The following B3GALT1 variants were observed in gnomAD, a reference collection of about 807,000 sequenced individuals.
The protein encoded by B3GALT1 is UDP-Gal:betaGlcNAc beta 1,3-galactosyltransferase, polypeptide 1.
Under a neutral mutation model 23.2 loss-of-function variants are expected in B3GALT1, and 10 were observed. The ratio of observed to expected loss-of-function variants is 0.43; its 90% CI spans 0.27 to 0.73. The LOEUF is 0.73. Among genes scored for constraint, B3GALT1 ranks in the 30% least tolerant of loss-of-function variants. B3GALT1 has a pLI of 0.21. For synonymous variants in B3GALT1, 156 were observed against 141.5 expected (o/e 1.10, Z -0.73); for missense variants, 299 against 405.4 (o/e 0.74, Z 2.25).
At chr2:167,632,107 C>A (rs1251255795) in intron 2 of B3GALT1, among the ~76,000 whole-genome samples, 1 of 152,040 alleles carries the variant, frequency 6.6e-6, no homozygotes, top group East Asian at 1.9e-4. Flanking sequence ...ATCCATGTCC[C>A]TGCAAAGGAC....
At chr2:167,638,559 A>G (rs1269248723) in intron 2 of B3GALT1, among the ~76,000 whole-genome samples, 1 of 152,056 alleles carries the variant, frequency 6.6e-6, no homozygotes, top group African/African-American at 2.4e-5. Flanking sequence ...ACTCTAAGGA[A>G]TGATCTGGTT....
intron 3 of B3GALT1, among the ~76,000 whole-genome samples, chr2:167,783,924 A>G (rs1688292404): frequency 1.3e-5 from 2 of 152,162 alleles, no homozygotes; most frequent in Admixed American, 1.3e-4. Flanking sequence ...ACTGTGTAAA[A>G]CAGAAATAAG....
At chr2:167,495,553 G>A (rs1205821057) in intron 2 of B3GALT1, among the ~76,000 whole-genome samples, 2 of 151,966 alleles carry the variant, frequency 1.3e-5, no homozygotes, top group South Asian at 2.1e-4. Flanking sequence ...GGCTGGTCTC[G>A]AACTCCCAAC....
At chr2:167,689,033 CT>C (rs1686665207) in intron 3 of B3GALT1, among the ~76,000 whole-genome samples, 1 of 151,510 alleles carries the variant, frequency 6.6e-6, no homozygotes, top group African/African-American at 2.4e-5. Context: ...ATTTGACTGG[CT>C]TTGGGGAGGA....
chr2:167,629,771 G>A (rs765251158), intron 2 of B3GALT1, among the ~76,000 whole-genome samples: 73 of 151,708 alleles, frequency 4.8e-4, no homozygotes, highest in Non-Finnish European at 9.0e-4. Flanking sequence ...TACCTTGCAT[G>A]CCACACTTTG....
intron 3 of B3GALT1, among the ~76,000 whole-genome samples, chr2:167,690,080 C>A (rs1686685770): frequency 6.6e-6 from 1 of 151,928 alleles, no homozygotes; most frequent in African/African-American, 2.4e-5. Context: ...TAGAGACATC[C>A]TGAAATTTGG....
At chr2:167,647,795 T>G (rs530950619) in intron 3 of B3GALT1, among the ~76,000 whole-genome samples, 1 of 152,286 alleles carries the variant, frequency 6.6e-6, no homozygotes, top group South Asian at 2.1e-4. Flanking sequence ...TTTTTAAATT[T>G]TATGGGTACA....
chr2:167,517,427 T>C (rs1467147503), intron 2 of B3GALT1, among the ~76,000 whole-genome samples: 4 of 151,974 alleles, frequency 2.6e-5, no homozygotes, highest in African/African-American at 9.7e-5. Flanking sequence ...TTAAAAAAAA[T>C]AGCAACTATT....
In B3GALT1 at chr2:167,550,138, C is replaced by T. The variant is rs143098745; in HGVS notation, c.-410+59861C>T. ...TAATCTCAAAAGTCAACATCCTTCT[C>T]ATCTCTTTGCATTGCTATCCACTGA... On this transcript the variant is annotated intron_variant, in intron 2 of 4. Coordinates refer to ENST00000392690, the MANE Select transcript of B3GALT1 (RefSeq NM_020981.4). Among the ~76,000 whole-genome samples the T allele has an allele frequency of 2.5e-3, 377 of 152,340 alleles. 2 individuals are homozygous for T. Among genetic ancestry groups the T allele is most frequent in the African/African-American group, 8.1e-3 (336 of 41,574 alleles).
intron 2 of B3GALT1, among the ~76,000 whole-genome samples, chr2:167,517,204 T>C (rs925171628): frequency 4.0e-5 from 6 of 151,706 alleles, no homozygotes; most frequent in African/African-American, 1.5e-4. Context: ...CTTGCTACTT[T>C]GGGGTTTTAT....
At position 167,497,927 on chromosome 2, in the gene B3GALT1, G is replaced by GT. The variant is rs148873997; in HGVS notation, c.-410+7654dup. Among the ~76,000 whole-genome samples, 314 of 151,722 alleles carry GT rather than the reference G, an allele frequency of 2.1e-3. 1 individual carries two copies. Among genetic ancestry groups the GT allele is most frequent in the Non-Finnish European group, 3.3e-3 (227 of 67,918 alleles). ...AGTATACTAACCAAGGAGTATATGA[G>GT]TTTTCAACTACCTGTTAAATATTAA... is the stretch of plus-strand genomic sequence containing the variant. On this transcript the variant is annotated intron_variant, in intron 2 of 4. Coordinates refer to ENST00000392690, the MANE Select transcript of B3GALT1 (RefSeq NM_020981.4).
At chr2:167,514,889 G>A (rs1028427099) in intron 2 of B3GALT1, among the ~76,000 whole-genome samples, 1 of 152,054 alleles carries the variant, frequency 6.6e-6, no homozygotes, top group Admixed American at 6.5e-5. Context: ...ACTATAATTT[G>A]TTATGAAGAA....
chr2:167,364,647 G>A (rs1005646380), intron 1 of B3GALT1, among the ~76,000 whole-genome samples: 1 of 152,126 alleles, frequency 6.6e-6, no homozygotes. Flanking sequence ...CGTCATCCAT[G>A]TCCCTACAAA....
intron 2 of B3GALT1, among the ~76,000 whole-genome samples, chr2:167,527,940 A>G (rs1683250001): frequency 6.6e-6 from 1 of 152,224 alleles, no homozygotes; most frequent in Non-Finnish European, 1.5e-5. Flanking sequence ...GAGCAATTCA[A>G]TAAACTGTTG....
At chr2:167,563,261 G>A (rs1190325069) in intron 2 of B3GALT1, among the ~76,000 whole-genome samples, 20 of 143,856 alleles carry the variant, frequency 1.4e-4, no homozygotes, top group Admixed American at 1.1e-3. Context: ...CAGACGGGGC[G>A]GCTGGCCGGG....
chr2:167,608,794 C>T (rs1685010276), intron 2 of B3GALT1, among the ~76,000 whole-genome samples: 1 of 151,992 alleles, frequency 6.6e-6, no homozygotes, highest in Non-Finnish European at 1.5e-5. Flanking sequence ...AGGAATTTTC[C>T]AATTGTTTTT....
chr2:167,582,135 A>AT (rs11406753), intron 2 of B3GALT1, among the ~76,000 whole-genome samples: 17,155 of 152,194 alleles, frequency 0.11, 1,392 homozygotes, highest in African/African-American at 0.23. Context: ...CTCATTAGTG[A>AT]TTAAAACACC....
chr2:167,644,312 CA>C (rs1232491084), intron 2 of B3GALT1, among the ~76,000 whole-genome samples: 2 of 151,734 alleles, frequency 1.3e-5, no homozygotes, highest in South Asian at 2.1e-4. Flanking sequence ...AGAAAACAAA[CA>C]AAAAAACCTC....
intron 2 of B3GALT1, among the ~76,000 whole-genome samples, chr2:167,547,419 G>A (rs543219171): frequency 1.3e-5 from 2 of 152,210 alleles, no homozygotes; most frequent in South Asian, 2.1e-4. Flanking sequence ...ACAGAGGGCC[G>A]GGCGCGGTGG....
Sources: allele counts gnomAD v4.1 joint callset (sites outside exome capture counted in the v4.1 genomes callset), GRCh38; gene constraint gnomAD v4.1.1; transcripts MANE v1.5; gene names NCBI Gene and HGNC (gene_info 2026-07-23, HGNC 2026-07-21).